Variants in UGT2B17 observed in about 807,000 individuals in gnomAD.
The protein encoded by UGT2B17 is UDP glucuronosyltransferase family 2 member B17, also known as UDP-glucuronosyltransferase 2B17.
A neutral mutation model predicts 48.2 loss-of-function variants in UGT2B17; 21 were observed. The ratio of observed to expected loss-of-function variants is 0.44; its 90% CI spans 0.31 to 0.63. UGT2B17 has a LOEUF of 0.63. Ranked by LOEUF, UGT2B17 falls within the 20% of genes least tolerant of loss-of-function variation. The pLI, the probability that UGT2B17 is intolerant of heterozygous loss-of-function variation, is 0.08. For synonymous variants in UGT2B17, 146 were observed against 238.4 expected, an observed-to-expected ratio of 0.61 and a Z score of 3.57; for missense variants, 402 against 696.1, an observed-to-expected ratio of 0.58 and a Z score of 4.75.
Position 68,575,702 on chromosome 4 carries a change from C to A in UGT2B17, c.-65+249G>T, listed in dbSNP as rs1206737984. Reference sequence around the variant, plus strand: ...CAGAAATCCAAGCCAGGTCAAAAACCAAAACCAAAGTATCCAGCAATTCAA... The same window carrying A: ...CAGAAATCCAAGCCAGGTCAAAAACAAAAACCAAAGTATCCAGCAATTCAA... On this transcript the variant is annotated intron_variant, in intron 1 of 6. Coordinates refer to ENST00000317746, the MANE Select transcript of UGT2B17 (RefSeq NM_001077.4). 1.6e-5 allele frequency among the ~76,000 whole-genome samples: 2 copies of A among 126,114 alleles called. 1 individual carries two copies. Among genetic ancestry groups the A allele is most frequent in the Non-Finnish European group, 3.4e-5 (2 of 59,516 alleles). The allele number at this position is 126,114 out of a possible 152,430, so 82.7% of individuals were successfully genotyped here.
Position 68,553,268 on chromosome 4 carries a change from G to C in UGT2B17, c.1006-1357C>G, listed in dbSNP as rs1385902120. 1.6e-5 allele frequency among the ~76,000 whole-genome samples: 2 copies of C among 125,800 alleles called. 1 individual carries two copies. Among genetic ancestry groups the C allele is most frequent in the Non-Finnish European group, 3.4e-5 (2 of 59,436 alleles). The allele number at this position is 125,800 out of a possible 152,430, so 82.5% of individuals were successfully genotyped here. ...GAAAATTCTTCACAGATGCAAAAGAGAAAACAAAACAAAACCTAAAAACCA... is the reference window on the plus strand; with the variant it reads ...GAAAATTCTTCACAGATGCAAAAGACAAAACAAAACAAAACCTAAAAACCA... On this transcript the variant is annotated intron_variant, in intron 4 of 6. Coordinates refer to ENST00000317746, the MANE Select transcript of UGT2B17 (RefSeq NM_001077.4).
At position 68,570,192 on chromosome 4, in the gene UGT2B17, A is replaced by C. The variant is rs1214735196; in HGVS notation, c.-64-1644T>G. On this transcript the variant is annotated intron_variant, in intron 1 of 6. Coordinates refer to ENST00000317746, the MANE Select transcript of UGT2B17 (RefSeq NM_001077.4). ...TAAAATCCAAGCTCCTCAAGTGCGC[A>C]ATTTTTGTCCTTTTTAAGGGCTCAC... Among the ~76,000 whole-genome samples, 9 of 126,600 alleles carry C rather than the reference A, an allele frequency of 7.1e-5. 4 individuals are homozygous for C. The highest frequency in any genetic ancestry group is 3.2e-4 in the Admixed American group (4 of 12,466). 83.1% of individuals were successfully genotyped at this position (126,600 alleles called of 152,430 possible). A position where few individuals can be genotyped will look rare whatever the true frequency, so the allele number is the denominator to read the frequency against.
chr4:68,571,517 G>T (rs1307364998), intron 1 of UGT2B17, among the ~76,000 whole-genome samples: 1 of 126,598 alleles, frequency 7.9e-6, no homozygotes, highest in Non-Finnish European at 1.7e-5. Context: ...TGTTTTTGTG[G>T]TACTATTATA....
In UGT2B17 at chr4:68,567,662, A is replaced by T. The variant is rs1336539831; in HGVS notation, c.724+99T>A. 20 of 908,726 alleles carry T rather than the reference A, an allele frequency of 2.2e-5. 3 individuals are homozygous for T. The highest frequency in any genetic ancestry group is 6.3e-5 in the Admixed American group (2 of 31,528). 56.3% of individuals were successfully genotyped at this position (908,726 alleles called of 1,614,324 possible). On this transcript the variant is annotated intron_variant, in intron 2 of 6. Transcript: ENST00000317746. ...TTACATTTGCAATTCATAATTTCCC[A>T]TAAAAACACTATCTTCTGACATTAT...
rs1346467580 is a variant in UGT2B17 at position 68,547,781 on chromosome 4, T to C, written c.1313+2896A>G. Reference sequence around the variant, plus strand: ...GTGGGTGAAGGAAATGAACAGACACTTCTCAAAAGAAGACATTTAGGCAGC... The same window carrying C: ...GTGGGTGAAGGAAATGAACAGACACCTCTCAAAAGAAGACATTTAGGCAGC... On this transcript the variant is annotated intron_variant, in intron 6 of 6. Transcript: ENST00000317746. 2.4e-5 allele frequency among the ~76,000 whole-genome samples: 3 copies of C among 126,664 alleles called. 1 individual carries two copies. Among genetic ancestry groups the C allele is most frequent in the Non-Finnish European group, 5.0e-5 (3 of 59,682 alleles). 83.1% of individuals were successfully genotyped at this position (126,664 alleles called of 152,430 possible). A position where few individuals can be genotyped will look rare whatever the true frequency, so the allele number is the denominator to read the frequency against.
rs1456910736 is a variant in UGT2B17, at chr4:68,572,221, T to G, written c.-64-3673A>C. ...GAATCACATCCTGTTTCATGCTGCT[T>G]ACTATTAATAGCGGCACAAGTGTCA... On this transcript the variant is annotated intron_variant, in intron 1 of 6. Transcript: ENST00000317746. Among the ~76,000 whole-genome samples the G allele has an allele frequency of 3.9e-5, 5 of 126,684 alleles. 1 individual carries two copies. The allele number at this position is 126,684 out of a possible 152,430, so 83.1% of individuals were successfully genotyped here.
chr4:68,567,746 G>A lies in UGT2B17; in HGVS notation c.724+15C>T. ...AATTAGAACTTAATAAACACCAATT[G>A]GACACACGACTTACCTAGAACTTCA... On this transcript the variant is annotated intron_variant, in intron 2 of 6. Transcript: ENST00000317746. 1 of 1,294,482 alleles carries A rather than the reference G, an allele frequency of 7.7e-7. No homozygotes were observed. Among genetic ancestry groups the A allele is most frequent in the Non-Finnish European group, 9.9e-7 (1 of 1,014,854 alleles). The allele number at this position is 1,294,482 out of a possible 1,614,324, so 80.2% of individuals were successfully genotyped here.
intron 3 of UGT2B17, among the ~76,000 whole-genome samples, chr4:68,563,851 T>C (rs1731146388): frequency 7.9e-6 from 1 of 125,894 alleles, no homozygotes; most frequent in Admixed American, 8.2e-5. Flanking sequence ...AGAGTATCTG[T>C]TCTCTAGGAT....
intron 6 of UGT2B17, among the ~76,000 whole-genome samples, chr4:68,544,693 G>T (rs1360176370): frequency 3.2e-5 from 4 of 125,778 alleles, no homozygotes; most frequent in Non-Finnish European, 6.7e-5. Context: ...CTGTATTCAG[G>T]AAACCCATCT....
chr4:68,549,309 T>C lies in UGT2B17; in HGVS notation c.1313+1368A>G, dbSNP rs150917744. Among the ~76,000 whole-genome samples the C allele has an allele frequency of 1.1e-3, 123 of 110,282 alleles. 53 individuals carry two copies. The East Asian group carries it at 0.11, about 100-fold the overall frequency. The allele number at this position is 110,282 out of a possible 152,430, so 72.3% of individuals were successfully genotyped here. A position where few individuals can be genotyped will look rare whatever the true frequency, so the allele number is the denominator to read the frequency against. On this transcript the variant is annotated intron_variant, in intron 6 of 6. Coordinates refer to ENST00000317746, the MANE Select transcript of UGT2B17 (RefSeq NM_001077.4). ...TATTACATATTTATTTTATCAATAT[T>C]AAAACCTTCATGTTTCAAAAGGCAT... is the stretch of plus-strand genomic sequence containing the variant.
At chr4:68,541,367 G>A (rs1404460513) in intron 6 of UGT2B17, among the ~76,000 whole-genome samples, 1 of 126,556 alleles carries the variant, frequency 7.9e-6, no homozygotes, top group Non-Finnish European at 1.7e-5. Context: ...GTATCTCATT[G>A]TGGTTTTGAT....
At chr4:68,564,109 T>C (rs1731150415) in intron 3 of UGT2B17, among the ~76,000 whole-genome samples, 2 of 123,408 alleles carry the variant, frequency 1.6e-5, no homozygotes, top group Admixed American at 8.4e-5. Context: ...CCTAAACTCA[T>C]GTAAAAGTTC....
Position 68,550,728 on chromosome 4 carries a change from A to G in UGT2B17, c.1262T>C (p.Met421Thr). ...TGCATTGAGCAAATCTCTACTTGAC[A>G]TGGTCCTGATGTCCACACTGAGGGC... ...GAALSVDIRT[M>T]SSRDLLNALK... Residue 421 changes from methionine (M) to threonine (T), a missense_variant, in exon 6 of 7, where the codon ATG (methionine) becomes ACG (threonine). Physicochemically the swap from Met to Thr is moderately conservative, Grantham distance 81 (BLOSUM62 -1). Transcript: ENST00000317746. The G allele has an allele frequency of 1.1e-5, 15 of 1,382,560 alleles. 5 individuals carry two copies. Among genetic ancestry groups the G allele is most frequent in the Non-Finnish European group, 1.4e-5 (15 of 1,058,532 alleles). 85.6% of individuals were successfully genotyped at this position (1,382,560 alleles called of 1,614,324 possible). A position where few individuals can be genotyped will look rare whatever the true frequency, so the allele number is the denominator to read the frequency against.
At chr4:68,565,125 C>T (rs1273410477) in intron 3 of UGT2B17, among the ~76,000 whole-genome samples, 2 of 126,050 alleles carry the variant, frequency 1.6e-5, no homozygotes, top group Admixed American at 8.2e-5. Context: ...ATTTCTTTAT[C>T]ATTGTGGTCT....
chr4:68,544,261 G>A (rs546052876), intron 6 of UGT2B17, among the ~76,000 whole-genome samples: 1,853 of 126,878 alleles, frequency 0.015, 456 homozygotes, highest in Non-Finnish European at 0.023. Flanking sequence ...AGCCAGAAGA[G>A]AGTGGGGGCC....
chr4:68,556,342 G>A (rs1731000441), intron 4 of UGT2B17, among the ~76,000 whole-genome samples: 2 of 122,488 alleles, frequency 1.6e-5, no homozygotes, highest in African/African-American at 5.6e-5. Flanking sequence ...TTTAAAGGGT[G>A]TGAAATAGTA....
rs766187407 is a variant in UGT2B17, at chr4:68,563,679, T to G, written c.873+1893A>C. On this transcript the variant is annotated intron_variant, in intron 3 of 6. Coordinates refer to ENST00000317746, the MANE Select transcript of UGT2B17 (RefSeq NM_001077.4). The stretch of plus-strand genomic sequence containing the variant: ...TAATGGCACTATCACTTTCTTTTGA[T>G]GTGAGTGAGGATTTTTTTTTGAGAA... Among the ~76,000 whole-genome samples the G allele has an allele frequency of 1.3e-4, 16 of 126,620 alleles. 3 individuals are homozygous for G. Among genetic ancestry groups the G allele is most frequent in the Non-Finnish European group, 2.2e-4 (13 of 59,734 alleles). 83.1% of individuals were successfully genotyped at this position (126,620 alleles called of 152,430 possible).
At chr4:68,541,085 G>A (rs1348634687) in intron 6 of UGT2B17, among the ~76,000 whole-genome samples, 1 of 125,788 alleles carries the variant, frequency 7.9e-6, no homozygotes, top group Non-Finnish European at 1.7e-5. Context: ...CTTTGATATT[G>A]TAGATAGTGC....
At position 68,556,266 on chromosome 4, in the gene UGT2B17, GT is replaced by G. The variant is rs547046740; in HGVS notation, c.1005+4270del. 1.1e-3 allele frequency among the ~76,000 whole-genome samples: 121 copies of G among 113,524 alleles called. 11 individuals are homozygous for G. Among genetic ancestry groups the G allele is most frequent in the Non-Finnish European group, 1.1e-3 (59 of 54,156 alleles). The allele number at this position is 113,524 out of a possible 152,430, so 74.5% of individuals were successfully genotyped here. A position where few individuals can be genotyped will look rare whatever the true frequency, so the allele number is the denominator to read the frequency against. On this transcript the variant is annotated intron_variant, in intron 4 of 6. Transcript: ENST00000317746. ...TTGATTTACTCTTAAAATATTATGA[GT>G]TTTTTTTTTTTAACCCAAAGTTTAA...
Sources: allele counts gnomAD v4.1 joint callset (sites outside exome capture counted in the v4.1 genomes callset), GRCh38; gene constraint gnomAD v4.1.1; transcripts MANE v1.5; gene names NCBI Gene and HGNC (gene_info 2026-07-23, HGNC 2026-07-21).